Variants in CCDC148 observed in about 807,000 individuals in gnomAD.
The protein encoded by CCDC148 is coiled-coil domain-containing protein 148.
CCDC148 carries 89 observed loss-of-function variants against 85.7 expected under a neutral mutation model. The ratio of observed to expected loss-of-function variants is 1.04; its 90% CI spans 0.87 to 1.24. The LOEUF (loss-of-function observed/expected upper bound fraction) is 1.24, where lower values mean the gene tolerates loss of function less well. CCDC148 is among the 50% of genes most tolerant of loss of function. CCDC148 has a pLI of 0.00. For missense variants in CCDC148, 692 were observed against 671.7 expected (o/e 1.03, Z -0.33); for synonymous variants, 230 against 213.9 (o/e 1.08, Z -0.66).
chr2:158,427,667 C>G (rs539821452), intron 1 of CCDC148, among the ~76,000 whole-genome samples: 1 of 151,804 alleles, frequency 6.6e-6, no homozygotes, highest in Non-Finnish European at 1.5e-5. Context: ...CTCAGGAGTT[C>G]GAGACCAGCC....
At chr2:158,287,677 G>C (rs1690692328) in intron 9 of CCDC148, among the ~76,000 whole-genome samples, 1 of 152,198 alleles carries the variant, frequency 6.6e-6, no homozygotes, top group Non-Finnish European at 1.5e-5. Flanking sequence ...GGCTTTGCAA[G>C]GTACAGCCTC....
At chr2:158,194,302 T>C (rs1685562067) in intron 11 of CCDC148, among the ~76,000 whole-genome samples, 1 of 151,040 alleles carries the variant, frequency 6.6e-6, no homozygotes, top group African/African-American at 2.4e-5. Context: ...GTAAAAGGAG[T>C]AGATATTTCC....
chr2:158,212,917 G>T (rs7581896), intron 11 of CCDC148, among the ~76,000 whole-genome samples: 7,001 of 152,248 alleles, frequency 0.046, 197 homozygotes, highest in African/African-American at 0.084. Context: ...AAAGTGGAAT[G>T]GTCTCAAGAA....
intron 1 of CCDC148, chr2:158,425,246 C>G (rs1350635909): frequency 1.9e-6 from 1 of 537,774 alleles, no homozygotes; most frequent in Admixed American, 1.9e-5. Flanking sequence ...GCCAAGAGAG[C>G]ACTTATGGCA....
At chr2:158,396,369 A>G (rs1685523136) in intron 1 of CCDC148, among the ~76,000 whole-genome samples, 1 of 152,030 alleles carries the variant, frequency 6.6e-6, no homozygotes, top group Non-Finnish European at 1.5e-5. Context: ...AGTCCCCACC[A>G]TGCCTCATAG....
chr2:158,381,866 A>G (rs183924494), intron 1 of CCDC148, among the ~76,000 whole-genome samples: 74 of 152,236 alleles, frequency 4.9e-4, no homozygotes, highest in African/African-American at 1.7e-3. Context: ...TGAAACAAAC[A>G]AAAAGAAACT....
chr2:158,309,648 A>G lies in CCDC148; in HGVS notation c.904-9T>C. On this transcript the variant is annotated splice_polypyrimidine_tract_variant and intron_variant, in intron 8 of 13. Transcript: ENST00000283233. Reference sequence around the variant, plus strand: ...TATTTCTCGTGTTCAACCTGAAAAGATAACAGAGGGTGAATACTTATCATT... The same window carrying G: ...TATTTCTCGTGTTCAACCTGAAAAGGTAACAGAGGGTGAATACTTATCATT... 1.9e-6 allele frequency: 3 copies of G among 1,591,326 alleles called. No homozygotes were observed. The highest frequency in any genetic ancestry group is 1.3e-5 in the African/African-American group (1 of 74,468).
At chr2:158,240,115 G>C (rs1688284485) in intron 10 of CCDC148, among the ~76,000 whole-genome samples, 1 of 151,890 alleles carries the variant, frequency 6.6e-6, no homozygotes, top group Non-Finnish European at 1.5e-5. Context: ...TTGCAGTGAG[G>C]ATGCTTGCTG....
intron 9 of CCDC148, among the ~76,000 whole-genome samples, chr2:158,299,380 G>C (rs978740483): frequency 6.6e-6 from 1 of 152,130 alleles, no homozygotes; most frequent in African/African-American, 2.4e-5. Flanking sequence ...CTCTTTATCT[G>C]CCAGTCCTTC....
chr2:158,179,006 T>C lies in CCDC148; in HGVS notation c.1371-10A>G, dbSNP rs760688880. ...TTGTCTATATTTAACCCTTTAAAAA[T>C]AACACAGAAGGAAGTTGTGGAAGCA... On this transcript the variant is annotated splice_polypyrimidine_tract_variant and intron_variant, in intron 11 of 13. Transcript: ENST00000283233. 2 of 1,593,430 alleles carry C rather than the reference T, an allele frequency of 1.3e-6. No homozygotes were observed. Among genetic ancestry groups the C allele is most frequent in the South Asian group, 2.2e-5 (2 of 90,608 alleles).
In CCDC148 at chr2:158,174,764, T is replaced by G. The variant is rs113214611; in HGVS notation, c.1629+1757A>C. ...GTTGTAACACAATGCTAAGTACTTG[T>G]GAAACTAAACATACAAGAGGAAATG... On this transcript the variant is annotated intron_variant, in intron 13 of 13. Coordinates refer to ENST00000283233, the MANE Select transcript of CCDC148 (RefSeq NM_138803.4). Among the ~76,000 whole-genome samples, 633 of 152,152 alleles carry G rather than the reference T, an allele frequency of 4.2e-3. 6 individuals are homozygous for G. Among genetic ancestry groups the G allele is most frequent in the African/African-American group, 0.014 (593 of 41,522 alleles).
In CCDC148 at chr2:158,299,873, A is replaced by G. The variant is rs559080718; in HGVS notation, c.1110+9560T>C. Among the ~76,000 whole-genome samples the G allele has an allele frequency of 3.1e-4, 47 of 152,206 alleles. No individual in the cohort carries two copies. The Middle Eastern group carries it at 0.014, about 44-fold the overall frequency. On this transcript the variant is annotated intron_variant, in intron 9 of 13. Coordinates refer to ENST00000283233, the MANE Select transcript of CCDC148 (RefSeq NM_138803.4). ...ACCAAATGTGGAGAGAGAGAGTTCA[A>G]GTGATATTTATTCAAAAAGGTATCT...
chr2:158,210,280 C>G (rs1686491437), intron 11 of CCDC148, among the ~76,000 whole-genome samples: 1 of 152,132 alleles, frequency 6.6e-6, no homozygotes, highest in Admixed American at 6.5e-5. Context: ...AATATATATG[C>G]ACCCAATACA....
At chr2:158,365,035 C>T (rs1019514923) in intron 1 of CCDC148, among the ~76,000 whole-genome samples, 7 of 152,174 alleles carry the variant, frequency 4.6e-5, no homozygotes, top group Admixed American at 1.3e-4. Context: ...GACATTTATG[C>T]AGCCAACAAA....
intron 7 of CCDC148, 56 bp downstream of exon 7, chr2:158,338,670 C>T: frequency 1.5e-6 from 2 of 1,342,170 alleles, no homozygotes; most frequent in Non-Finnish European, 2.1e-6. Context: ...TGATCCCAAA[C>T]AAAAATAAAA....
chr2:158,431,489 A>T (rs6749934), intron 1 of CCDC148, among the ~76,000 whole-genome samples: 64,075 of 121,188 alleles, frequency 0.53, 14,536 homozygotes, highest in South Asian at 0.71. Context: ...GGTGTTTTTT[A>T]AAAAAAAAAA....
intron 7 of CCDC148, among the ~76,000 whole-genome samples, chr2:158,321,810 T>C (rs919855162): frequency 9.2e-5 from 14 of 152,340 alleles, no homozygotes; most frequent in African/African-American, 3.4e-4. Context: ...AGAGTTTATT[T>C]TGAAATATGG....
intron 1 of CCDC148, among the ~76,000 whole-genome samples, chr2:158,370,686 G>A (rs6437170): frequency 0.78 from 118,775 of 151,816 alleles, 46,818 homozygotes; most frequent in East Asian, 0.95. Flanking sequence ...TGAAAAAACT[G>A]ATGGAACCAA....
chr2:158,181,230 T>C (rs1684887760), intron 11 of CCDC148, among the ~76,000 whole-genome samples: 1 of 152,164 alleles, frequency 6.6e-6, no homozygotes, highest in Non-Finnish European at 1.5e-5. Flanking sequence ...TGTGGAAAAG[T>C]AATAGTTGTT....
Sources: gnomAD v4.1 joint callset for allele counts (sites outside exome capture counted in the v4.1 genomes callset) on GRCh38, gnomAD v4.1.1 for gene constraint, MANE v1.5 for transcripts, NCBI Gene and HGNC (gene_info 2026-07-23, HGNC 2026-07-21) for gene names.